The following NIPAL2 variants were observed in gnomAD, a reference collection of about 807,000 sequenced individuals.
The protein encoded by NIPAL2 is NIPA like domain containing 2.
Under a neutral mutation model 48.9 loss-of-function variants are expected in NIPAL2, and 43 were observed. That is an observed-to-expected ratio of 0.88 (90% CI 0.69 to 1.13). The LOEUF is 1.13. Among genes scored for constraint, NIPAL2 ranks in the 50% most tolerant of loss-of-function variants. NIPAL2 has a pLI of 0.00. For synonymous variants in NIPAL2, 167 were observed against 174.6 expected (o/e 0.96, Z 0.34); for missense variants, 446 against 461.4 (o/e 0.97, Z 0.31).
At chr8:98,271,952 T>G (rs931524192) in intron 1 of NIPAL2, among the ~76,000 whole-genome samples, 1 of 152,078 alleles carries the variant, frequency 6.6e-6, no homozygotes, top group East Asian at 1.9e-4. Flanking sequence ...ATTGAGATGA[T>G]CATGTCTGTT....
intron 8 of NIPAL2, among the ~76,000 whole-genome samples, chr8:98,199,253 G>A (rs1055564759): frequency 6.6e-6 from 1 of 152,084 alleles, no homozygotes; most frequent in Non-Finnish European, 1.5e-5. Flanking sequence ...ACTGCACCCG[G>A]CCCAAAAACT....
chr8:98,228,074 T>A (rs547532142), intron 4 of NIPAL2, among the ~76,000 whole-genome samples: 3 of 152,288 alleles, frequency 2.0e-5, no homozygotes, highest in Admixed American at 6.5e-5. Context: ...GTGTGCAGAT[T>A]CTCTGTGCCA....
At chr8:98,214,380 T>C (rs1283007922) in intron 5 of NIPAL2, among the ~76,000 whole-genome samples, 2 of 152,122 alleles carry the variant, frequency 1.3e-5, no homozygotes, top group Non-Finnish European at 2.9e-5. Flanking sequence ...GCCATGTTGG[T>C]CTTGAACTCC....
chr8:98,229,056 T>A (rs1812315110), intron 4 of NIPAL2, among the ~76,000 whole-genome samples: 1 of 152,166 alleles, frequency 6.6e-6, no homozygotes, highest in Non-Finnish European at 1.5e-5. Context: ...GCCAGACAGC[T>A]GTGGGTAAGC....
intron 1 of NIPAL2, among the ~76,000 whole-genome samples, chr8:98,258,804 T>C (rs1318459517): frequency 6.6e-6 from 1 of 152,136 alleles, no homozygotes; most frequent in East Asian, 1.9e-4. Context: ...ATAAATTTGT[T>C]CTGACCACAA....
At chr8:98,272,608 T>G (rs1444543377) in intron 1 of NIPAL2, among the ~76,000 whole-genome samples, 1 of 151,668 alleles carries the variant, frequency 6.6e-6, no homozygotes, top group Non-Finnish European at 1.5e-5. Flanking sequence ...CATCATAGTG[T>G]GTGCTATCTT....
intron 2 of NIPAL2, 36 bp downstream of exon 2, chr8:98,253,983 A>G: frequency 6.9e-7 from 1 of 1,448,762 alleles, no homozygotes; most frequent in Non-Finnish European, 9.7e-7. Context: ...TCCCTGGATC[A>G]ATCTATAGTG....
chr8:98,265,269 A>T (rs1327308997), intron 1 of NIPAL2, among the ~76,000 whole-genome samples: 1 of 151,800 alleles, frequency 6.6e-6, no homozygotes, highest in Non-Finnish European at 1.5e-5. Context: ...ACAAAAGCCA[A>T]AATTGACAAA....
At position 98,193,043 on chromosome 8, in the gene NIPAL2, A is replaced by G; in HGVS notation, c.1087T>C (p.Tyr363His). 5.0e-6 allele frequency: 8 copies of G among 1,614,132 alleles called. No homozygotes were observed. Among genetic ancestry groups the G allele is most frequent in the Non-Finnish European group, 5.9e-6 (7 of 1,179,992 alleles). ...KIQPDSHSLS[Y>H]GTLPDGSDST... ...TCACTTCCATCAGGCAAAGTTCCAT[A>G]GGATAAGCTATGTGAATCTGGTTGT... The change falls in exon 11 of 11, where the codon TAT becomes CAT. Residue 363 changes from tyrosine (Y) to histidine (H), a missense_variant. Physicochemically the swap from Tyr to His is moderately conservative, Grantham distance 83. Transcript: ENST00000430223.
chr8:98,232,720 T>C (rs1812497622), intron 4 of NIPAL2, among the ~76,000 whole-genome samples: 1 of 150,188 alleles, frequency 6.7e-6, no homozygotes, highest in Non-Finnish European at 1.5e-5. Flanking sequence ...GGTTACATAA[T>C]AGCTTTCTGA....
chr8:98,219,729 C>T (rs1008749546), intron 5 of NIPAL2, among the ~76,000 whole-genome samples: 1 of 152,148 alleles, frequency 6.6e-6, no homozygotes, highest in Non-Finnish European at 1.5e-5. Context: ...AACCTCTTAA[C>T]AAGGCTGCCT....
At chr8:98,214,382 T>C (rs10108460) in intron 5 of NIPAL2, among the ~76,000 whole-genome samples, 1 of 151,914 alleles carries the variant, frequency 6.6e-6, no homozygotes, top group Admixed American at 6.5e-5. Flanking sequence ...CATGTTGGTC[T>C]TGAACTCCTG....
chr8:98,216,300 T>A (rs1367579843), intron 5 of NIPAL2, among the ~76,000 whole-genome samples: 1 of 152,220 alleles, frequency 6.6e-6, no homozygotes, highest in African/African-American at 2.4e-5. Context: ...CTGGGCCTTC[T>A]CCAGCCTCAA....
Position 98,294,203 on chromosome 8 carries a change from G to A in NIPAL2, c.-66C>T, listed in dbSNP as rs1421802594. The stretch of plus-strand genomic sequence containing the variant: ...GGCCGCCTCCCCGCCCTGTTGCACC[G>A]CGAGGAGGCCGCGCCGCAGCCACTT... On this transcript the variant is annotated 5_prime_UTR_variant, in exon 1 of 11. Transcript: ENST00000430223. 1.6e-6 allele frequency: 2 copies of A among 1,225,940 alleles called. No individual in the cohort carries two copies. Among genetic ancestry groups the A allele is most frequent in the African/African-American group, 1.6e-5 (1 of 63,396 alleles). 75.9% of individuals were successfully genotyped at this position (1,225,940 alleles called of 1,614,324 possible).
At chr8:98,233,063 GC>G (rs1237582272) in intron 4 of NIPAL2, among the ~76,000 whole-genome samples, 1 of 152,112 alleles carries the variant, frequency 6.6e-6, no homozygotes, top group Non-Finnish European at 1.5e-5. Context: ...TTAGAGACAA[GC>G]CTAGACAACA....
chr8:98,237,439 T>TAGAC (rs1812775254), intron 3 of NIPAL2, among the ~76,000 whole-genome samples: 1 of 152,078 alleles, frequency 6.6e-6, no homozygotes, highest in Admixed American at 6.5e-5. Flanking sequence ...TTCTCTGGCT[T>TAGAC]AGACCTTTAG....
intron 3 of NIPAL2, among the ~76,000 whole-genome samples, chr8:98,249,680 A>T (rs1176561305): frequency 2.0e-5 from 3 of 147,482 alleles, no homozygotes; most frequent in Non-Finnish European, 4.5e-5. Context: ...AATATATATT[A>T]AAGATAATCA....
At chr8:98,244,074 A>G (rs1298779698) in intron 3 of NIPAL2, among the ~76,000 whole-genome samples, 1 of 152,114 alleles carries the variant, frequency 6.6e-6, no homozygotes, top group South Asian at 2.1e-4. Context: ...TCAATTAATT[A>G]TACTTTACTC....
At chr8:98,202,271 C>T (rs147438512) in intron 8 of NIPAL2, among the ~76,000 whole-genome samples, 7 of 152,252 alleles carry the variant, frequency 4.6e-5, no homozygotes, top group African/African-American at 1.2e-4. Flanking sequence ...ACTGTCTGAT[C>T]GAGCTGGTGA....
Sources: gnomAD v4.1 joint callset for allele counts (sites outside exome capture counted in the v4.1 genomes callset) on GRCh38, gnomAD v4.1.1 for gene constraint, MANE v1.5 for transcripts, NCBI Gene and HGNC (gene_info 2026-07-23, HGNC 2026-07-21) for gene names.